MGMT: variants seen among roughly 807,000 people sequenced by gnomAD.
MGMT encodes O-6-methylguanine-DNA methyltransferase, also known as methylated-DNA--protein-cysteine methyltransferase.
Under a neutral mutation model 15.9 loss-of-function variants are expected in MGMT, and 14 were observed. The ratio of observed to expected loss-of-function variants is 0.88; its 90% confidence interval spans 0.58 to 1.37. MGMT has a LOEUF of 1.37. MGMT is among the 40% of genes most tolerant of loss of function. The pLI is 0.00. For synonymous variants in MGMT, 130 were observed against 118.2 expected (o/e 1.10, Z -0.65); for missense variants, 282 against 268.1 (o/e 1.05, Z -0.36).
rs150322177 is a variant in MGMT, at chr10:129,720,222, T to G, written c.274+12179T>G. On this transcript the variant is annotated intron_variant, in intron 3 of 4. Transcript: ENST00000651593. ...AAGAACATTTTTCAACCATTATTTC[T>G]TCTCCCTACTCACTGTTAAGCTCTA... 8.0e-4 allele frequency among the ~76,000 whole-genome samples: 122 copies of G among 152,366 alleles called. 1 individual carries two copies. Among genetic ancestry groups the G allele is most frequent in the African/African-American group, 2.9e-3 (120 of 41,582 alleles).
chr10:129,493,141 G>GT (rs1845486312), intron 1 of MGMT, among the ~76,000 whole-genome samples: 1 of 152,124 alleles, frequency 6.6e-6, no homozygotes, highest in Admixed American at 6.5e-5. Flanking sequence ...AGCCTGATCT[G>GT]TTTGACTCCT....
intron 3 of MGMT, among the ~76,000 whole-genome samples, chr10:129,743,700 A>G (rs750734403): frequency 1.3e-5 from 2 of 152,260 alleles, no homozygotes; most frequent in African/African-American, 2.4e-5. Flanking sequence ...GTGGGGTCAT[A>G]GAGGTCACAG....
intron 2 of MGMT, among the ~76,000 whole-genome samples, chr10:129,554,592 G>C (rs908521286): frequency 6.6e-6 from 1 of 152,136 alleles, no homozygotes; most frequent in Admixed American, 6.5e-5. Context: ...CTGGGTGAGT[G>C]CTTCCTGAGC....
chr10:129,684,129 C>G (rs974474523), intron 2 of MGMT, among the ~76,000 whole-genome samples: 7 of 152,232 alleles, frequency 4.6e-5, no homozygotes, highest in African/African-American at 1.7e-4. Context: ...TATTAATAAA[C>G]CCCTTGGTGT....
chr10:129,550,207 G>T (rs1239272139), intron 2 of MGMT, among the ~76,000 whole-genome samples: 1 of 151,974 alleles, frequency 6.6e-6, no homozygotes, highest in African/African-American at 2.4e-5. Context: ...ACTTTAGGGG[G>T]TTCACAATGT....
At chr10:129,494,703 T>A (rs536624535) in intron 1 of MGMT, among the ~76,000 whole-genome samples, 1 of 152,348 alleles carries the variant, frequency 6.6e-6, no homozygotes, top group African/African-American at 2.4e-5. Context: ...TAGCCACATG[T>A]GGCTAACAGC....
intron 2 of MGMT, among the ~76,000 whole-genome samples, chr10:129,552,835 T>C (rs1349478536): frequency 6.6e-6 from 1 of 152,262 alleles, no homozygotes; most frequent in Non-Finnish European, 1.5e-5. Context: ...GCCTGCTCTT[T>C]TTGTTTTTCC....
intron 1 of MGMT, among the ~76,000 whole-genome samples, chr10:129,469,235 G>T (rs1845203924): frequency 6.6e-6 from 1 of 152,022 alleles, no homozygotes; most frequent in African/African-American, 2.4e-5. Context: ...CCTTTCTTAG[G>T]ACACCAAAAC....
intron 2 of MGMT, among the ~76,000 whole-genome samples, chr10:129,600,906 G>A (rs1487836860): frequency 1.3e-5 from 2 of 152,126 alleles, no homozygotes; most frequent in Non-Finnish European, 2.9e-5. Context: ...AGAGAAATTG[G>A]ATATTTCAAA....
chr10:129,657,914 C>T (rs1847551224), intron 2 of MGMT, among the ~76,000 whole-genome samples: 1 of 152,086 alleles, frequency 6.6e-6, no homozygotes, highest in African/African-American at 2.4e-5. Flanking sequence ...TGAACCGGCC[C>T]TTCCCTAATT....
At chr10:129,695,299 C>T (rs1037866555) in intron 2 of MGMT, among the ~76,000 whole-genome samples, 1 of 152,196 alleles carries the variant, frequency 6.6e-6, no homozygotes, top group African/African-American at 2.4e-5. Context: ...CAGTACTATT[C>T]TATAAGCTGT....
At chr10:129,691,384 A>AGC (rs1457351255) in intron 2 of MGMT, among the ~76,000 whole-genome samples, 2 of 152,344 alleles carry the variant, frequency 1.3e-5, no homozygotes, top group African/African-American at 4.8e-5. Flanking sequence ...AGAGGCGGAG[A>AGC]GCACAGCAGG....
chr10:129,551,324 G>T (rs1846153890), intron 2 of MGMT, among the ~76,000 whole-genome samples: 1 of 152,134 alleles, frequency 6.6e-6, no homozygotes, highest in South Asian at 2.1e-4. Context: ...TCTCCTTTAT[G>T]GTGTGATTGG....
chr10:129,588,573 C>A (rs974176541), intron 2 of MGMT, among the ~76,000 whole-genome samples: 1 of 152,178 alleles, frequency 6.6e-6, no homozygotes, highest in Non-Finnish European at 1.5e-5. Context: ...CACTGTGGCT[C>A]GGTGTGGCCA....
chr10:129,571,243 C>T (rs1846413758), intron 2 of MGMT, among the ~76,000 whole-genome samples: 1 of 152,180 alleles, frequency 6.6e-6, no homozygotes, highest in Admixed American at 6.5e-5. Context: ...GTCAACATTT[C>T]TAATCAAATC....
chr10:129,515,547 A>G (rs1193369390), intron 1 of MGMT, among the ~76,000 whole-genome samples: 3 of 152,192 alleles, frequency 2.0e-5, no homozygotes, highest in African/African-American at 7.2e-5. Context: ...TGGAAGCTCC[A>G]GTCCCCTAGA....
chr10:129,702,197 G>T (rs1010145496), intron 2 of MGMT: 1 of 152,148 alleles, frequency 6.6e-6, no homozygotes, highest in Non-Finnish European at 1.5e-5. Context: ...AGTGTTGTCC[G>T]GTTTGATTTT....
chr10:129,707,526 G>A (rs750127063), intron 2 of MGMT, among the ~76,000 whole-genome samples: 1 of 152,300 alleles, frequency 6.6e-6, no homozygotes, highest in East Asian at 1.9e-4. Context: ...GGGGTGGGCC[G>A]TGTGGTGCAG....
chr10:129,646,754 A>ATATTTTTTTTTTTTTTTTTTT, intron 2 of MGMT, among the ~76,000 whole-genome samples: 2 of 86,664 alleles, frequency 2.3e-5, no homozygotes, highest in South Asian at 3.4e-4. Flanking sequence ...ATATATATAT[A>ATATTTTTTTTTTTTTTTTTTT]TTTTCAGGGA....
Sources: allele counts gnomAD v4.1 joint callset (sites outside exome capture counted in the v4.1 genomes callset), GRCh38; gene constraint gnomAD v4.1.1; transcripts MANE v1.5; gene names NCBI Gene and HGNC (gene_info 2026-07-23, HGNC 2026-07-21).